The following ITGBL1 variants were observed in gnomAD, a reference collection of about 807,000 sequenced individuals.
ITGBL1 encodes integrin beta-like protein 1.
ITGBL1 carries 51 observed loss-of-function variants against 68.5 expected under a neutral mutation model. The observed-to-expected ratio is 0.74, with a 90% CI of 0.59 to 0.94. The LOEUF is 0.94. Among genes scored for constraint, ITGBL1 ranks in the 40% least tolerant of loss-of-function variants. ITGBL1 has a pLI of 0.00. For synonymous variants in ITGBL1, 209 were observed against 227.3 expected, an observed-to-expected ratio of 0.92 and a Z score of 0.72; for missense variants, 649 against 647.4, an observed-to-expected ratio of 1.00 and a Z score of -0.03.
intron 2 of ITGBL1, among the ~76,000 whole-genome samples, chr13:101,522,223 G>A (rs2049297854): frequency 6.6e-6 from 1 of 152,064 alleles, no homozygotes. Context: ...ACATACGAAT[G>A]TTGGGGGGAC....
intron 7 of ITGBL1, among the ~76,000 whole-genome samples, chr13:101,675,814 T>C: frequency 6.6e-6 from 1 of 152,164 alleles, no homozygotes; most frequent in Non-Finnish European, 1.5e-5. Context: ...TGAGATACAA[T>C]TTCAAGTCCA....
chr13:101,700,701 T>C lies in ITGBL1; in HGVS notation c.1133-6055T>C, dbSNP rs532456405. On this transcript the variant is annotated intron_variant, in intron 8 of 10. Coordinates refer to ENST00000376180, the MANE Select transcript of ITGBL1 (RefSeq NM_004791.3). ...ATTTCTCCACCTTCATTATTCAGTGTTTTTGACTTACTATTCTTCAAACAC... is the reference window on the plus strand; with the variant it reads ...ATTTCTCCACCTTCATTATTCAGTGCTTTTGACTTACTATTCTTCAAACAC... Among the ~76,000 whole-genome samples, 5 of 152,354 alleles carry C rather than the reference T, an allele frequency of 3.3e-5. No individual in the cohort carries two copies. The East Asian group carries it at 7.7e-4, about 23-fold the overall frequency.
chr13:101,552,642 G>A (rs2049939895), intron 2 of ITGBL1, among the ~76,000 whole-genome samples: 1 of 152,156 alleles, frequency 6.6e-6, no homozygotes, highest in Non-Finnish European at 1.5e-5. Context: ...TTACAGTGGA[G>A]GTTCCCTAGG....
At position 101,715,765 on chromosome 13, in the gene ITGBL1, A is replaced by T. The variant is rs2034694089; in HGVS notation, c.*111A>T. 2 of 615,428 alleles carry T rather than the reference A, an allele frequency of 3.2e-6. No homozygotes were observed. The highest frequency in any genetic ancestry group is 2.7e-5 in the East Asian group (1 of 36,630). 38.1% of individuals were successfully genotyped at this position (615,428 alleles called of 1,614,324 possible). A position where few individuals can be genotyped will look rare whatever the true frequency, so the allele number is the denominator to read the frequency against. The stretch of plus-strand genomic sequence containing the variant: ...TAGGACAGGTTAAAAAGACCATTGT[A>T]TGTTTTTCTATTTCTGAATTACGAA... On this transcript the variant is annotated 3_prime_UTR_variant, in exon 11 of 11. Coordinates refer to ENST00000376180, the MANE Select transcript of ITGBL1 (RefSeq NM_004791.3).
intron 2 of ITGBL1, among the ~76,000 whole-genome samples, chr13:101,553,186 T>G (rs2049948685): frequency 6.6e-6 from 1 of 152,184 alleles, no homozygotes; most frequent in South Asian, 2.1e-4. Flanking sequence ...TATGGGAGAT[T>G]TCTATTGCTT....
intron 10 of ITGBL1, chr13:101,714,866 C>A: frequency 3.2e-6 from 1 of 311,594 alleles, no homozygotes; most frequent in Non-Finnish European, 5.9e-6. Flanking sequence ...TGTTGGCAAC[C>A]ATTTTACTTT....
intron 7 of ITGBL1, among the ~76,000 whole-genome samples, chr13:101,673,805 C>G (rs2033434699): frequency 6.6e-6 from 1 of 152,158 alleles, no homozygotes; most frequent in Non-Finnish European, 1.5e-5. Context: ...TGAAGTTGGA[C>G]TTAACAACGA....
chr13:101,460,549 T>C (rs2048304486), intron 2 of ITGBL1, among the ~76,000 whole-genome samples: 1 of 152,256 alleles, frequency 6.6e-6, no homozygotes, highest in African/African-American at 2.4e-5. Context: ...GCAATTTTCC[T>C]CAATTGTACT....
intron 4 of ITGBL1, among the ~76,000 whole-genome samples, chr13:101,578,703 A>G (rs2050404389): frequency 6.6e-6 from 1 of 152,200 alleles, no homozygotes; most frequent in South Asian, 2.1e-4. Context: ...TGCGTGGCCA[A>G]GGGCCCATGG....
intron 2 of ITGBL1, among the ~76,000 whole-genome samples, chr13:101,492,668 G>A (rs1344276759): frequency 6.6e-6 from 1 of 152,100 alleles, no homozygotes; most frequent in Non-Finnish European, 1.5e-5. Flanking sequence ...TTGAAAGGGT[G>A]AGATTTTCCT....
intron 5 of ITGBL1, among the ~76,000 whole-genome samples, chr13:101,581,694 G>A (rs1401979273): frequency 2.6e-5 from 4 of 151,884 alleles, no homozygotes; most frequent in South Asian, 2.1e-4. Context: ...ACAATATTTC[G>A]GTCACTAGTA....
intron 2 of ITGBL1, among the ~76,000 whole-genome samples, chr13:101,469,896 T>G (rs2048433970): frequency 6.6e-6 from 1 of 152,166 alleles, no homozygotes; most frequent in Non-Finnish European, 1.5e-5. Flanking sequence ...GAATTGGAAT[T>G]AAAAAACAAA....
intron 2 of ITGBL1, among the ~76,000 whole-genome samples, chr13:101,465,127 G>A (rs1279860683): frequency 6.6e-6 from 1 of 152,138 alleles, no homozygotes; most frequent in Non-Finnish European, 1.5e-5. Context: ...TTAATAGTTG[G>A]TAAATGGTCC....
At chr13:101,654,073 G>C (rs1324886098) in intron 7 of ITGBL1, among the ~76,000 whole-genome samples, 1 of 151,730 alleles carries the variant, frequency 6.6e-6, no homozygotes, top group African/African-American at 2.4e-5. Flanking sequence ...AACAAAATTT[G>C]GGGGGAATTC....
chr13:101,556,286 G>C (rs2050003964), intron 2 of ITGBL1, among the ~76,000 whole-genome samples: 1 of 152,198 alleles, frequency 6.6e-6, no homozygotes, highest in African/African-American at 2.4e-5. Context: ...TTATTAAGTT[G>C]AGATCATACT....
At chr13:101,525,479 C>T (rs2049359615) in intron 2 of ITGBL1, among the ~76,000 whole-genome samples, 1 of 151,566 alleles carries the variant, frequency 6.6e-6, no homozygotes, top group African/African-American at 2.4e-5. Context: ...CTTTTCTTGG[C>T]CCCCTTATTC....
chr13:101,508,053 CTT>C (rs1278651011), intron 2 of ITGBL1, among the ~76,000 whole-genome samples: 2 of 152,148 alleles, frequency 1.3e-5, no homozygotes, highest in Admixed American at 6.6e-5. Context: ...AGACGAGAGA[CTT>C]TATCTGCTCA....
Position 101,567,560 on chromosome 13 carries a change from C to G in ITGBL1, c.317-139C>G, listed in dbSNP as rs147962681. 29 of 641,926 alleles carry G rather than the reference C, an allele frequency of 4.5e-5. No homozygotes were observed. The African/African-American group carries it at 4.6e-4, about 10-fold the overall frequency. The allele number at this position is 641,926 out of a possible 1,614,324, so 39.8% of individuals were successfully genotyped here. A position where few individuals can be genotyped will look rare whatever the true frequency, so the allele number is the denominator to read the frequency against. On this transcript the variant is annotated intron_variant, in intron 2 of 10. Coordinates refer to ENST00000376180, the MANE Select transcript of ITGBL1 (RefSeq NM_004791.3). ...TGCATTTTATATAATAGCATTACCC[C>G]TCAGCCACTGCGATATACATGAGTT...
chr13:101,698,733 C>A (rs116238933), intron 8 of ITGBL1, among the ~76,000 whole-genome samples: 2,372 of 152,268 alleles, frequency 0.016, 62 homozygotes, highest in African/African-American at 0.054. Flanking sequence ...ATTGGTATAT[C>A]ATTTTAAGAT....
Sources: gnomAD v4.1 joint callset for allele counts (sites outside exome capture counted in the v4.1 genomes callset) on GRCh38, gnomAD v4.1.1 for gene constraint, MANE v1.5 for transcripts, NCBI Gene and HGNC (gene_info 2026-07-23, HGNC 2026-07-21) for gene names.